Variants in ZNF892 observed in about 807,000 individuals in gnomAD.
ZNF892 encodes the protein zinc finger protein 892.
the ZNF892 span, among the ~76,000 whole-genome samples, chr2:95,243,612 A>G: frequency 1.4e-5 from 2 of 144,518 alleles, no homozygotes; most frequent in South Asian, 4.5e-4. Context: ...CCCTCAGCCC[A>G]GCAGCCGCCC....
At chr2:95,207,246 G>GC in the ZNF892 span, among the ~76,000 whole-genome samples, 818 of 152,346 alleles carry the variant, frequency 5.4e-3, 5 homozygotes, top group Non-Finnish European at 8.4e-3. Context: ...GGTCAAGGGC[G>GC]CCGCCTTCCG....
the ZNF892 span, among the ~76,000 whole-genome samples, chr2:95,256,422 A>G: frequency 3.3e-5 from 5 of 152,134 alleles, no homozygotes; most frequent in Non-Finnish European, 7.4e-5. Context: ...TGGCTTGTAG[A>G]GTTTCTGCCG....
chr2:95,262,323 G>C, the ZNF892 span, among the ~76,000 whole-genome samples: 1 of 152,112 alleles, frequency 6.6e-6, no homozygotes, highest in African/African-American at 2.4e-5. Flanking sequence ...GGCATTGAAG[G>C]CTTCATCCAC....
At chr2:95,258,568 C>A in the ZNF892 span, among the ~76,000 whole-genome samples, 1 of 152,060 alleles carries the variant, frequency 6.6e-6, no homozygotes, top group Middle Eastern at 3.2e-3. Context: ...TAACTAGGGG[C>A]AAGGAGGCAA....
At chr2:95,237,904 A>G in the ZNF892 span, among the ~76,000 whole-genome samples, 14 of 152,352 alleles carry the variant, frequency 9.2e-5, no homozygotes, top group South Asian at 2.1e-4. Flanking sequence ...CTTGAATTCT[A>G]TGAAGGCTTA....
At chr2:95,216,913 G>A in the ZNF892 span, among the ~76,000 whole-genome samples, 1 of 152,088 alleles carries the variant, frequency 6.6e-6, no homozygotes, top group Non-Finnish European at 1.5e-5. Flanking sequence ...AAGTTCCTGA[G>A]GCTCTGTTCA....
chr2:95,253,308 C>T, the ZNF892 span, among the ~76,000 whole-genome samples: 1 of 152,154 alleles, frequency 6.6e-6, no homozygotes, highest in Admixed American at 6.5e-5. Context: ...ATATGACTAG[C>T]CAGTTTTTCC....
the ZNF892 span, among the ~76,000 whole-genome samples, chr2:95,234,914 G>A: frequency 5.3e-5 from 8 of 152,240 alleles, no homozygotes; most frequent in Admixed American, 5.2e-4. Context: ...AAGTTCCAGA[G>A]GTCTGGACTT....
the ZNF892 span, among the ~76,000 whole-genome samples, chr2:95,219,842 C>T: frequency 2.4e-4 from 36 of 152,284 alleles, no homozygotes; most frequent in South Asian, 2.9e-3. Context: ...TAATACTGCT[C>T]GGCAAGGGTG....
chr2:95,237,324 G>A, the ZNF892 span, among the ~76,000 whole-genome samples: 2 of 151,794 alleles, frequency 1.3e-5, no homozygotes, highest in African/African-American at 4.8e-5. Context: ...ATTTTTGTAC[G>A]TTTAGTAGAG....
chr2:95,236,727 G>A, the ZNF892 span, among the ~76,000 whole-genome samples: 2 of 152,176 alleles, frequency 1.3e-5, no homozygotes, highest in Non-Finnish European at 2.9e-5. Context: ...AACTGTCTGT[G>A]ATAGACAAAA....
chr2:95,237,986 G>A, the ZNF892 span, among the ~76,000 whole-genome samples: 1 of 152,230 alleles, frequency 6.6e-6, no homozygotes, highest in Non-Finnish European at 1.5e-5. Flanking sequence ...AAGGAAAGAA[G>A]CCAGCTCCAT....
At chr2:95,209,814 G>C in the ZNF892 span, among the ~76,000 whole-genome samples, 3 of 152,136 alleles carry the variant, frequency 2.0e-5, no homozygotes, top group Admixed American at 1.3e-4. Flanking sequence ...AGCATTGTTT[G>C]TACAGAACGA....
the ZNF892 span, among the ~76,000 whole-genome samples, chr2:95,224,277 G>C: frequency 2.6e-5 from 4 of 152,204 alleles, no homozygotes; most frequent in Non-Finnish European, 4.4e-5. Context: ...AGATTTGCCT[G>C]TTCTGGACAT....
the ZNF892 span, among the ~76,000 whole-genome samples, chr2:95,224,542 G>T: frequency 6.6e-6 from 1 of 152,036 alleles, no homozygotes; most frequent in African/African-American, 2.4e-5. Flanking sequence ...GAGGGGGAAA[G>T]GTGCCACACA....
chr2:95,239,984 A>G, the ZNF892 span, among the ~76,000 whole-genome samples: 4 of 152,344 alleles, frequency 2.6e-5, no homozygotes, highest in Middle Eastern at 6.8e-3. Context: ...AATTTGTGTC[A>G]CTTGCTTTAT....
At chr2:95,211,941 T>A in the ZNF892 span, among the ~76,000 whole-genome samples, 5 of 152,216 alleles carry the variant, frequency 3.3e-5, no homozygotes, top group African/African-American at 1.2e-4. Context: ...TCTTCTCAAC[T>A]CCTTGACCAA....
the ZNF892 span, among the ~76,000 whole-genome samples, chr2:95,212,652 C>G: frequency 6.6e-6 from 1 of 152,162 alleles, no homozygotes. Context: ...AAATTCATCT[C>G]TGGGTTTTCC....
chr2:95,253,181 T>C, the ZNF892 span, among the ~76,000 whole-genome samples: 11 of 152,334 alleles, frequency 7.2e-5, no homozygotes, highest in African/African-American at 2.6e-4. Flanking sequence ...CTGAATGGTA[T>C]TGCCTAGGTT....
Sources: gnomAD v4.1 joint callset for allele counts (sites outside exome capture counted in the v4.1 genomes callset) on GRCh38, gnomAD v4.1.1 for gene constraint, MANE v1.5 for transcripts, NCBI Gene and HGNC (gene_info 2026-07-23, HGNC 2026-07-21) for gene names.